The following CELF2 variants were observed in gnomAD, a reference collection of about 807,000 sequenced individuals.
CELF2 encodes CUG triplet repeat RNA-binding protein 2.
A neutral mutation model predicts 62.6 loss-of-function variants in CELF2; 8 were observed. That is an observed-to-expected ratio of 0.13 (90% CI 0.07 to 0.23). CELF2 has a LOEUF of 0.23. Among genes scored for constraint, CELF2 ranks in the 10% least tolerant of loss-of-function variants. The pLI is 1.00. For missense variants in CELF2, 333 were observed against 671.0 expected (o/e 0.50, Z 5.56); for synonymous variants, 258 against 250.0 (o/e 1.03, Z -0.30).
intron 1 of CELF2, among the ~76,000 whole-genome samples, chr10:11,104,850 A>G (rs1031901542): frequency 6.6e-6 from 1 of 152,224 alleles, no homozygotes; most frequent in Non-Finnish European, 1.5e-5. Context: ...CCTCAGTATC[A>G]ACGCTTGTAG....
chr10:10,796,901 G>A (rs191072316), upstream of CELF2: 13 of 985,134 alleles, frequency 1.3e-5, no homozygotes, highest in African/African-American at 7.0e-5. Flanking sequence ...ATTTTTGTAC[G>A]AGGTATGAAA....
At chr10:10,820,108 C>T (rs2056830273) in intron 1 of CELF2, among the ~76,000 whole-genome samples, 1 of 152,152 alleles carries the variant, frequency 6.6e-6, no homozygotes, top group African/African-American at 2.4e-5. Context: ...TTGCTTCTTC[C>T]TCATTTTTCT....
the CELF2 span, among the ~76,000 whole-genome samples, chr10:10,770,223 A>C: frequency 6.6e-6 from 1 of 152,150 alleles, no homozygotes; most frequent in East Asian, 1.9e-4. Flanking sequence ...GGATATGTTA[A>C]TATTGACATC....
At chr10:10,971,500 T>G (rs1446232808) in intron 2 of CELF2, among the ~76,000 whole-genome samples, 1 of 152,208 alleles carries the variant, frequency 6.6e-6, no homozygotes, top group Non-Finnish European at 1.5e-5. Context: ...GTTACCAGCC[T>G]ATGTGCCTGT....
Position 11,214,526 on chromosome 10 carries a change from G to A in CELF2, c.272-2899G>A, listed in dbSNP as rs1486227321. Among the ~76,000 whole-genome samples the A allele has an allele frequency of 6.6e-6, 1 of 152,218 alleles. No homozygotes were observed. The highest frequency in any genetic ancestry group is 1.9e-4 in the East Asian group (1 of 5,192). ...GCTGGGATGGGCTTATCAAGCCATGGACTGTGGCAAGGAGCTACGCCCACC... is the reference window on the plus strand; with the variant it reads ...GCTGGGATGGGCTTATCAAGCCATGAACTGTGGCAAGGAGCTACGCCCACC... On this transcript the variant is annotated intron_variant, in intron 2 of 12. Coordinates refer to ENST00000633077, the MANE Select transcript of CELF2 (RefSeq NM_001326342.2). This position sits in a 1 kb window ranked among gnomAD's most constrained non-coding sequence, Gnocchi z 4.2.
intron 1 of CELF2, among the ~76,000 whole-genome samples, chr10:10,903,014 G>A (rs552556760): frequency 6.6e-6 from 1 of 152,158 alleles, no homozygotes; most frequent in African/African-American, 2.4e-5. Flanking sequence ...AAGAAAGAAA[G>A]GAGAGAGCTT....
In CELF2 at chr10:11,288,558, T is replaced by C. The variant is rs1192502137; in HGVS notation, c.976+6T>C. ...GGGAGCCCTCACGAGTCCCGGTGAG[T>C]GTGGGGGGTGCTCTTCCCTTGCAGG... On this transcript the variant is annotated splice_donor_region_variant and intron_variant, in intron 9 of 12. Transcript: ENST00000633077. 1 of 1,613,020 alleles carries C rather than the reference T, an allele frequency of 6.2e-7. No homozygotes were observed. Among genetic ancestry groups the C allele is most frequent in the South Asian group, 1.1e-5 (1 of 91,018 alleles).
the CELF2 span, among the ~76,000 whole-genome samples, chr10:10,526,966 C>T: frequency 9.2e-5 from 14 of 152,358 alleles, no homozygotes; most frequent in Admixed American, 5.2e-4. Flanking sequence ...TATAAATCAG[C>T]AGCAGCAGTT....
chr10:10,788,419 A>G, the CELF2 span, among the ~76,000 whole-genome samples: 1 of 151,230 alleles, frequency 6.6e-6, no homozygotes, highest in East Asian at 1.9e-4. Flanking sequence ...AAATTGTACC[A>G]ATAATTGTAT....
intron 9 of CELF2, among the ~76,000 whole-genome samples, chr10:11,301,975 C>T (rs1026650310): frequency 3.3e-5 from 5 of 152,202 alleles, no homozygotes; most frequent in Admixed American, 3.3e-4. Flanking sequence ...TCGCTGGAAC[C>T]GCCTGCCCCT....
chr10:10,798,208 A>G (rs889682861), upstream of CELF2, among the ~76,000 whole-genome samples: 5 of 152,192 alleles, frequency 3.3e-5, no homozygotes, highest in African/African-American at 1.2e-4. Flanking sequence ...AAGTAGTTAC[A>G]GCCTCTGAGG....
the CELF2 span, among the ~76,000 whole-genome samples, chr10:10,781,481 C>T: frequency 1.1e-4 from 16 of 152,158 alleles, no homozygotes; most frequent in East Asian, 1.2e-3. Context: ...AGCAAAGGCA[C>T]GTCTTACACG....
At chr10:11,095,580 C>G (rs986318483) in intron 1 of CELF2, among the ~76,000 whole-genome samples, 2 of 152,150 alleles carry the variant, frequency 1.3e-5, no homozygotes, top group African/African-American at 2.4e-5. Context: ...TATCTTTTGC[C>G]CACATTTTTA....
intron 1 of CELF2, among the ~76,000 whole-genome samples, chr10:11,058,085 A>G (rs2065758454): frequency 6.6e-6 from 1 of 151,754 alleles, no homozygotes; most frequent in African/African-American, 2.4e-5. Context: ...AAAAAAAAAA[A>G]CGGAATCTAA....
the CELF2 span, among the ~76,000 whole-genome samples, chr10:10,680,381 G>T: frequency 1.3e-5 from 2 of 152,150 alleles, no homozygotes; most frequent in African/African-American, 4.8e-5. Context: ...AAAGGATGCA[G>T]ATTAAAATCA....
At chr10:10,524,067 C>T in the CELF2 span, among the ~76,000 whole-genome samples, 1 of 152,066 alleles carries the variant, frequency 6.6e-6, no homozygotes, top group Non-Finnish European at 1.5e-5. Context: ...CCCAGAGATA[C>T]GTAAGCTGTG....
the CELF2 span, among the ~76,000 whole-genome samples, chr10:10,660,509 C>G: frequency 6.6e-6 from 1 of 152,222 alleles, no homozygotes; most frequent in African/African-American, 2.4e-5. Context: ...AGATGGATTT[C>G]TCCACCCGCT....
At chr10:11,127,651 T>G (rs1366176038) in intron 1 of CELF2, among the ~76,000 whole-genome samples, 1 of 152,252 alleles carries the variant, frequency 6.6e-6, no homozygotes. Context: ...CCAGTGATGA[T>G]GAGTATTTTT....
chr10:10,536,564 T>C, the CELF2 span, among the ~76,000 whole-genome samples: 1 of 152,156 alleles, frequency 6.6e-6, no homozygotes, highest in Non-Finnish European at 1.5e-5. Flanking sequence ...CTCTAGACCT[T>C]ATAGTTGTAT....
Sources: allele counts gnomAD v4.1 joint callset (sites outside exome capture counted in the v4.1 genomes callset), GRCh38; gene constraint gnomAD v4.1.1; non-coding constraint Gnocchi (gnomAD v3.1); transcripts MANE v1.5; gene names NCBI Gene and HGNC (gene_info 2026-07-23, HGNC 2026-07-21).